LMNTD1: variants seen among roughly 807,000 people sequenced by gnomAD.
The protein encoded by LMNTD1 is lamin tail domain containing 1.
In LMNTD1, 35 loss-of-function variants were observed where a neutral mutation model predicts 50.9. The ratio of observed to expected loss-of-function variants is 0.69; its 90% CI spans 0.53 to 0.91. LMNTD1 has a LOEUF of 0.91. Ranked by LOEUF, LMNTD1 falls within the 40% of genes least tolerant of loss-of-function variation. The probability of loss-of-function intolerance (pLI) is 0.00; values close to 1 mark genes in which losing one functional copy is unlikely to be tolerated. For missense variants in LMNTD1, 470 were observed against 475.5 expected, an observed-to-expected ratio of 0.99 and a Z score of 0.11; for synonymous variants, 153 against 161.9, an observed-to-expected ratio of 0.94 and a Z score of 0.42.
chr12:25,507,147 ATT>A (rs1939855435), intron 8 of LMNTD1, among the ~76,000 whole-genome samples: 1 of 152,174 alleles, frequency 6.6e-6, no homozygotes, highest in South Asian at 2.1e-4. Context: ...AAGTGCTGGG[ATT>A]ACAGGTGTGA....
At chr12:25,516,448 A>C (rs1294407650) in intron 8 of LMNTD1, among the ~76,000 whole-genome samples, 1 of 152,148 alleles carries the variant, frequency 6.6e-6, no homozygotes, top group Non-Finnish European at 1.5e-5. Context: ...TGTTCTGAAT[A>C]AGTAAACTAG....
At chr12:25,480,238 G>A (rs2135903623) in intron 9 of LMNTD1, among the ~76,000 whole-genome samples, 2 of 152,338 alleles carry the variant, frequency 1.3e-5, no homozygotes, top group Admixed American at 1.3e-4. Context: ...TGCAACTTGA[G>A]GGCATGCACT....
At position 25,616,093 on chromosome 12, in the gene LMNTD1, AACAC is replaced by A. The variant is rs10564512; in HGVS notation, c.58+32397_58+32400del. ...CACCCTCCCACCCCGACACACACAT[AACAC>A]ACACACACACACACACACACACAGT... On this transcript the variant is annotated intron_variant, in intron 1 of 7. Coordinates refer to the LMNTD1 transcript ENST00000445693. 1.5e-3 allele frequency among the ~76,000 whole-genome samples: 221 copies of A among 148,450 alleles called. 1 individual carries two copies. Among genetic ancestry groups the A allele is most frequent in the South Asian group, 0.012 (56 of 4,676 alleles).
chr12:25,570,188 C>A (rs1275965098), intron 1 of LMNTD1, among the ~76,000 whole-genome samples: 2 of 152,170 alleles, frequency 1.3e-5, no homozygotes, highest in Non-Finnish European at 2.9e-5. Flanking sequence ...ATGTTTCAGG[C>A]ATGCTCCTTG....
At position 25,553,184 on chromosome 12, in the gene LMNTD1, C is replaced by T; in HGVS notation, c.-146G>A. 1 of 1,594,608 alleles carries T rather than the reference C, an allele frequency of 6.3e-7. No homozygotes were observed. The highest frequency in any genetic ancestry group is 8.5e-7 in the Non-Finnish European group (1 of 1,172,160). ...AAGTACCAACATAGCCAATCCTGAT[C>T]TTGGCTAAGGATGTCGGACAAACCA... On this transcript the variant is annotated 5_prime_UTR_variant, in exon 1 of 10. Coordinates refer to ENST00000458174, the MANE Select transcript of LMNTD1 (RefSeq NM_001145728.2).
chr12:25,549,417 A>T lies in LMNTD1; in HGVS notation c.219T>A (p.Ser73Arg), dbSNP rs1943626841. 1 of 1,612,852 alleles carries T rather than the reference A, an allele frequency of 6.2e-7. No individual in the cohort carries two copies. The highest frequency in any genetic ancestry group is 8.5e-7 in the Non-Finnish European group (1 of 1,179,082). ...SGMPLGYYLSSPQISRVTIST... is the reference protein window; with the variant it reads ...SGMPLGYYLSRPQISRVTIST... ...ATATAGTTACTCTACTAATCTGAGGACTAGACAGATAGTAACCAAGAGGCA... is the reference window on the plus strand; with the variant it reads ...ATATAGTTACTCTACTAATCTGAGGTCTAGACAGATAGTAACCAAGAGGCA... The change falls in exon 3 of 10, where the codon AGT becomes AGA. Residue 73 changes from serine (S) to arginine (R), a missense_variant. Ser to Arg is a moderately radical substitution (Grantham distance 110). Transcript: ENST00000458174.
chr12:25,527,713 C>CATATAT lies in LMNTD1; in HGVS notation c.492-759_492-758insATATAT, dbSNP rs1565976396. 3.6e-4 allele frequency among the ~76,000 whole-genome samples: 43 copies of CATATAT among 119,552 alleles called. 1 individual carries two copies. Among genetic ancestry groups the CATATAT allele is most frequent in the African/African-American group, 1.3e-3 (43 of 32,384 alleles). 78.4% of individuals were successfully genotyped at this position (119,552 alleles called of 152,430 possible). ...ACACACACACACACACACACACACA[C>CATATAT]ACACACATATACACACATATATATA... On this transcript the variant is annotated intron_variant, in intron 4 of 9. Coordinates refer to ENST00000458174, the MANE Select transcript of LMNTD1 (RefSeq NM_001145728.2).
chr12:25,526,257 G>T, intron 5 of LMNTD1, 39 bp from the exon 6 acceptor site: 1 of 1,592,862 alleles, frequency 6.3e-7, no homozygotes, highest in Non-Finnish European at 8.5e-7. Flanking sequence ...CACTGGAGTT[G>T]AACACAATTT....
In LMNTD1 at chr12:25,553,193, G is replaced by C; in HGVS notation, c.-155C>G. 6.3e-7 allele frequency: 1 copy of C among 1,586,188 alleles called. No homozygotes were observed. Among genetic ancestry groups the C allele is most frequent in the Non-Finnish European group, 8.6e-7 (1 of 1,168,854 alleles). Reference sequence around the variant, plus strand: ...CATAGCCAATCCTGATCTTGGCTAAGGATGTCGGACAAACCATGGTGCAGG... The same window carrying C: ...CATAGCCAATCCTGATCTTGGCTAACGATGTCGGACAAACCATGGTGCAGG... On this transcript the variant is annotated 5_prime_UTR_variant, in exon 1 of 10. Coordinates refer to ENST00000458174, the MANE Select transcript of LMNTD1 (RefSeq NM_001145728.2).
intron 4 of LMNTD1, among the ~76,000 whole-genome samples, chr12:25,544,124 G>A (rs540998220): frequency 1.5e-3 from 232 of 151,878 alleles, no homozygotes; most frequent in Non-Finnish European, 2.4e-3. Flanking sequence ...ATGTTTCTTC[G>A]TGATTTTTGT....
At chr12:25,575,882 A>G (rs2136384796) in intron 1 of LMNTD1, among the ~76,000 whole-genome samples, 1 of 151,750 alleles carries the variant, frequency 6.6e-6, no homozygotes, top group African/African-American at 2.4e-5. Flanking sequence ...AATGTTCTCC[A>G]CCCTGTGTCC....
chr12:25,582,292 G>A (rs1021150567), intron 1 of LMNTD1: 3 of 152,168 alleles, frequency 2.0e-5, no homozygotes, highest in Admixed American at 6.5e-5. Flanking sequence ...AACAGAGGAC[G>A]GTCATGACAG....
At chr12:25,531,810 C>G (rs1942244997) in intron 4 of LMNTD1, among the ~76,000 whole-genome samples, 1 of 152,100 alleles carries the variant, frequency 6.6e-6, no homozygotes, top group Non-Finnish European at 1.5e-5. Context: ...GTCTCTTATA[C>G]TTATTTATAA....
At chr12:25,587,318 A>C (rs994950728) in intron 1 of LMNTD1, among the ~76,000 whole-genome samples, 1 of 152,242 alleles carries the variant, frequency 6.6e-6, no homozygotes, top group Non-Finnish European at 1.5e-5. Context: ...AAAGAGGTCT[A>C]ATTGGCTCAC....
At chr12:25,602,582 G>A (rs1383372244) in intron 1 of LMNTD1, among the ~76,000 whole-genome samples, 2 of 151,900 alleles carry the variant, frequency 1.3e-5, no homozygotes, top group African/African-American at 4.8e-5. Flanking sequence ...TTTCTAAAGG[G>A]CTTTTAATTG....
At chr12:25,574,695 G>T (rs561353929) in intron 1 of LMNTD1, among the ~76,000 whole-genome samples, 7 of 152,006 alleles carry the variant, frequency 4.6e-5, no homozygotes, top group South Asian at 2.1e-4. Context: ...CATTACCGTT[G>T]TTTTTGTGTA....
At chr12:25,618,259 C>T (rs1946389354) in intron 1 of LMNTD1, among the ~76,000 whole-genome samples, 1 of 152,114 alleles carries the variant, frequency 6.6e-6, no homozygotes, top group African/African-American at 2.4e-5. Context: ...TAGAAAGTTC[C>T]AAGTGCCAGG....
chr12:25,515,925 CTTT>C (rs1940727033), intron 8 of LMNTD1, among the ~76,000 whole-genome samples: 1 of 102,888 alleles, frequency 9.7e-6, no homozygotes, highest in Admixed American at 1.1e-4. Flanking sequence ...AGTATAATTA[CTTT>C]TTGTTTTGTC....
chr12:25,613,300 T>G (rs1334544347), intron 1 of LMNTD1, among the ~76,000 whole-genome samples: 1 of 152,216 alleles, frequency 6.6e-6, no homozygotes, highest in Non-Finnish European at 1.5e-5. Flanking sequence ...GGTTCTGACA[T>G]GACGGGTAGA....
Sources: gnomAD v4.1 joint callset for allele counts (sites outside exome capture counted in the v4.1 genomes callset) on GRCh38, gnomAD v4.1.1 for gene constraint, MANE v1.5 for transcripts, NCBI Gene and HGNC (gene_info 2026-07-23, HGNC 2026-07-21) for gene names.